Variants in PRH1 observed in about 807,000 individuals in gnomAD.
PRH1 encodes the protein salivary acidic proline-rich phosphoprotein 1/2.
Under a neutral mutation model 7.9 loss-of-function variants are expected in PRH1, and 7 were observed. The observed-to-expected ratio is 0.89, with a 90% CI of 0.50 to 1.67. The LOEUF is 1.67. Ranked by LOEUF, PRH1 falls within the 40% of genes most tolerant of loss-of-function variation. PRH1 has a pLI of 0.00. For synonymous variants in PRH1, 45 were observed against 80.8 expected, an observed-to-expected ratio of 0.56 and a Z score of 2.38; for missense variants, 109 against 223.6, an observed-to-expected ratio of 0.49 and a Z score of 3.27.
intron 1 of PRH1, among the ~76,000 whole-genome samples, chr12:11,144,877 G>T (rs552740180): frequency 3.6e-4 from 55 of 152,334 alleles, no homozygotes; most frequent in South Asian, 2.9e-3. Flanking sequence ...TCCAGTGGTG[G>T]TGTGTGTTCA....
chr12:11,007,938 G>A (rs939189409), intron 1 of PRH1, among the ~76,000 whole-genome samples: 4 of 152,076 alleles, frequency 2.6e-5, no homozygotes, highest in Admixed American at 1.3e-4. Context: ...ATCTAATGTA[G>A]TTTTGGAGAA....
intron 1 of PRH1, among the ~76,000 whole-genome samples, chr12:10,988,899 C>T (rs372329795): frequency 1.3e-5 from 2 of 152,108 alleles, no homozygotes; most frequent in Non-Finnish European, 1.5e-5. Context: ...CTCCACCTCC[C>T]GGGTTCAAGC....
intron 1 of PRH1, among the ~76,000 whole-genome samples, chr12:11,124,253 T>G (rs953746198): frequency 3.3e-5 from 5 of 152,284 alleles, no homozygotes; most frequent in African/African-American, 1.2e-4. Flanking sequence ...TGTCATTGTA[T>G]TCCATGAATT....
intron 2 of PRH1, among the ~76,000 whole-genome samples, chr12:10,971,748 T>C (rs1352018212): frequency 6.6e-6 from 1 of 152,068 alleles, no homozygotes; most frequent in Non-Finnish European, 1.5e-5. Context: ...TCAGAATAAT[T>C]TTCACACTTT....
intron 1 of PRH1, among the ~76,000 whole-genome samples, chr12:11,148,155 T>G (rs1297257086): frequency 6.3e-5 from 9 of 142,030 alleles, no homozygotes; most frequent in East Asian, 2.0e-4. Flanking sequence ...GAGACTTTGC[T>G]GAAGTTGCTT....
chr12:11,017,173 T>C (rs1009058500), intron 1 of PRH1, among the ~76,000 whole-genome samples: 8 of 152,292 alleles, frequency 5.3e-5, no homozygotes, highest in African/African-American at 1.7e-4. Context: ...ATTAAAACAA[T>C]TGGCCTTTGT....
At chr12:11,138,392 T>G (rs1259706459) in intron 1 of PRH1, among the ~76,000 whole-genome samples, 1 of 151,956 alleles carries the variant, frequency 6.6e-6, no homozygotes, top group Non-Finnish European at 1.5e-5. Context: ...CTATGATTTT[T>G]CTTCTCTAAT....
At chr12:11,068,719 A>T (rs1459483486) in intron 1 of PRH1, among the ~76,000 whole-genome samples, 3 of 152,210 alleles carry the variant, frequency 2.0e-5, no homozygotes, top group Non-Finnish European at 2.9e-5. Context: ...CCATCTGTAT[A>T]TTTCTCTACT....
At chr12:11,119,213 T>C (rs1311226950), downstream of PRH1, among the ~76,000 whole-genome samples, 3 of 151,490 alleles carry the variant, frequency 2.0e-5, no homozygotes, top group African/African-American at 7.3e-5. Context: ...TATCTAAAAA[T>C]CAAAACAATT....
chr12:10,905,582 C>T (rs976785649), intron 2 of PRH1, among the ~76,000 whole-genome samples: 6 of 152,016 alleles, frequency 3.9e-5, no homozygotes, highest in Non-Finnish European at 7.4e-5. Context: ...AGAAGAATCG[C>T]TTGAACCTGG....
At chr12:11,086,353 G>T (rs1211514871) in intron 1 of PRH1, among the ~76,000 whole-genome samples, 1 of 121,440 alleles carries the variant, frequency 8.2e-6, no homozygotes, top group Non-Finnish European at 1.9e-5. Context: ...TTCCATTGAA[G>T]AGTCTACACT....
chr12:11,031,524 G>A, intron 1 of PRH1: 2 of 600,054 alleles, frequency 3.3e-6, no homozygotes, highest in African/African-American at 1.9e-5. Context: ...AAGAGAGAAA[G>A]GACAAAGCTT....
rs1943701479 is a variant in PRH1, at chr12:11,063,680, T to G, written n.124-16492A>C. Among the ~76,000 whole-genome samples, 3 of 152,106 alleles carry G rather than the reference T, an allele frequency of 2.0e-5. No homozygotes were observed. In the South Asian group the frequency reaches 6.2e-4, roughly 31 times the overall value. On this transcript the variant is annotated intron_variant and non_coding_transcript_variant, in intron 1 of 4. Transcript: ENST00000541977. Reference sequence around the variant, plus strand: ...AAGAGTGTGGGAAATATGTACAACCTTGTTGTGTCAGGAATTCAGGAGCCA... The same window carrying G: ...AAGAGTGTGGGAAATATGTACAACCGTGTTGTGTCAGGAATTCAGGAGCCA...
At chr12:11,073,600 A>C (rs1944175338) in intron 1 of PRH1, among the ~76,000 whole-genome samples, 1 of 151,940 alleles carries the variant, frequency 6.6e-6, no homozygotes, top group African/African-American at 2.4e-5. Flanking sequence ...ATCCCTGTTC[A>C]GTTAACCTAC....
intron 1 of PRH1, among the ~76,000 whole-genome samples, chr12:11,167,315 A>G (rs1159600790): frequency 6.6e-6 from 1 of 152,174 alleles, no homozygotes; most frequent in Non-Finnish European, 1.5e-5. Context: ...ACATTAAACT[A>G]CACTCAACCT....
intron 2 of PRH1, among the ~76,000 whole-genome samples, chr12:10,934,949 C>A (rs889285020): frequency 6.6e-6 from 1 of 152,058 alleles, no homozygotes; most frequent in African/African-American, 2.4e-5. Flanking sequence ...TAACATATAG[C>A]AAATATGTAA....
At chr12:11,134,486 C>T in intron 1 of PRH1, 1 of 507,376 alleles carries the variant, frequency 2.0e-6, no homozygotes, top group Non-Finnish European at 3.4e-6. Context: ...AATTAACTGA[C>T]TCATTCACCA....
intron 1 of PRH1, among the ~76,000 whole-genome samples, chr12:11,135,964 AC>A (rs1946538165): frequency 6.6e-6 from 1 of 152,198 alleles, no homozygotes; most frequent in Non-Finnish European, 1.5e-5. Context: ...TTAGAAATGA[AC>A]CAAAACAAAA....
At chr12:11,100,895 TAC>T (rs1945220376) in intron 1 of PRH1, among the ~76,000 whole-genome samples, 1 of 152,176 alleles carries the variant, frequency 6.6e-6, no homozygotes, top group East Asian at 1.9e-4. Context: ...CACACTGGTG[TAC>T]ACAGGAATAG....
Sources: gnomAD v4.1 joint callset for allele counts (sites outside exome capture counted in the v4.1 genomes callset) on GRCh38, gnomAD v4.1.1 for gene constraint, MANE v1.5 for transcripts, NCBI Gene and HGNC (gene_info 2026-07-23, HGNC 2026-07-21) for gene names.